The following STUM variants were observed in gnomAD, a reference collection of about 807,000 sequenced individuals.
STUM encodes the protein stum, mechanosensory transduction mediator homolog, also known as protein stum homolog.
A neutral mutation model predicts 15.3 loss-of-function variants in STUM; 8 were observed. The ratio of observed to expected loss-of-function variants is 0.52; its 90% CI spans 0.31 to 0.94. The LOEUF is 0.94. Among genes scored for constraint, STUM ranks in the 40% least tolerant of loss-of-function variants. The probability of loss-of-function intolerance (pLI) is 0.05; values close to 1 mark genes in which losing one functional copy is unlikely to be tolerated. For missense variants in STUM, 142 were observed against 204.9 expected (o/e 0.69, Z 1.87); for synonymous variants, 78 against 88.7 (o/e 0.88, Z 0.68).
chr1:226,576,791 C>T (rs1667822623), intron 1 of STUM, among the ~76,000 whole-genome samples: 1 of 152,210 alleles, frequency 6.6e-6, no homozygotes, highest in South Asian at 2.1e-4. Flanking sequence ...CCCACAAACA[C>T]AGCTTGTCTA....
chr1:226,578,192 A>C (rs1667851811), intron 1 of STUM, among the ~76,000 whole-genome samples: 1 of 151,960 alleles, frequency 6.6e-6, no homozygotes, highest in Non-Finnish European at 1.5e-5. Context: ...TTTACGCGTC[A>C]TCATGGTCAT....
At chr1:226,575,451 C>T (rs981733458) in intron 1 of STUM, among the ~76,000 whole-genome samples, 7 of 152,244 alleles carry the variant, frequency 4.6e-5, no homozygotes, top group African/African-American at 1.7e-4. Context: ...GGCAGGCACC[C>T]AGGGTGGGTG....
chr1:226,586,540 T>A (rs1169301891), intron 1 of STUM, among the ~76,000 whole-genome samples: 1 of 152,024 alleles, frequency 6.6e-6, no homozygotes, highest in Non-Finnish European at 1.5e-5. Flanking sequence ...TGGCAAGGGG[T>A]CAGCTCAGGG....
chr1:226,561,465 G>A (rs1277172444), intron 1 of STUM, among the ~76,000 whole-genome samples: 1 of 152,140 alleles, frequency 6.6e-6, no homozygotes. Flanking sequence ...CCTGCAGCGT[G>A]TGTGTCTCTG....
At chr1:226,562,336 G>A (rs908138071) in intron 1 of STUM, among the ~76,000 whole-genome samples, 7 of 152,022 alleles carry the variant, frequency 4.6e-5, no homozygotes, top group African/African-American at 1.2e-4. Flanking sequence ...AGGTGTGGTG[G>A]TGCATGCCTG....
At position 226,549,163 on chromosome 1, in the gene STUM, G is replaced by C. The variant is rs1667327493; in HGVS notation, c.202+57G>C. ...CCCACCCCGCCGCGGGAGGGCGTGG[G>C]GGGAGAGAAGGGCGCGGCCGGAGAC... On this transcript the variant is annotated intron_variant, in intron 1 of 3. Coordinates refer to ENST00000366788, the MANE Select transcript of STUM (RefSeq NM_001003665.4). The surrounding 1 kb of genome is among the most constrained non-coding windows in gnomAD (Gnocchi z 6.8). 1.4e-6 allele frequency: 2 copies of C among 1,448,134 alleles called. No homozygotes were observed. The highest frequency in any genetic ancestry group is 1.9e-6 in the Non-Finnish European group (2 of 1,070,292). 89.7% of individuals were successfully genotyped at this position (1,448,134 alleles called of 1,614,324 possible).
At chr1:226,583,207 A>G (rs1243423796) in intron 1 of STUM, among the ~76,000 whole-genome samples, 1 of 152,214 alleles carries the variant, frequency 6.6e-6, no homozygotes, top group African/African-American at 2.4e-5. Context: ...GGGGAAGCAG[A>G]TTCTACTTCT....
intron 1 of STUM, among the ~76,000 whole-genome samples, chr1:226,588,197 G>C (rs1668026529): frequency 6.6e-6 from 1 of 152,168 alleles, no homozygotes; most frequent in African/African-American, 2.4e-5. Context: ...TGCACACAGT[G>C]CTGGGTCTAC....
intron 1 of STUM, among the ~76,000 whole-genome samples, chr1:226,550,468 AAGG>A (rs61571680): frequency 0.015 from 2,335 of 152,078 alleles, 58 homozygotes; most frequent in African/African-American, 0.054. Context: ...TAGACACTGC[AAGG>A]AGGCCAGCTG....
chr1:226,562,916 T>C (rs1667565045), intron 1 of STUM, among the ~76,000 whole-genome samples: 1 of 152,204 alleles, frequency 6.6e-6, no homozygotes, highest in Admixed American at 6.5e-5. Flanking sequence ...GCTATGAATA[T>C]ATAAGAGAAT....
rs781276066 is a variant in STUM, at chr1:226,609,066, A to C, written c.*7026A>C. On this transcript the variant is annotated 3_prime_UTR_variant, in exon 4 of 4. Transcript: ENST00000366788. ...TTTCCATGTACATATTTATACATAC[A>C]CACACCTTCCTATTATAAATATATA... 5 of 152,218 alleles carry C rather than the reference A, an allele frequency of 3.3e-5. No individual in the cohort carries two copies. Among genetic ancestry groups the C allele is most frequent in the Non-Finnish European group, 5.9e-5 (4 of 68,034 alleles). 9.4% of individuals were successfully genotyped at this position (152,218 alleles called of 1,614,324 possible).
Position 226,604,200 on chromosome 1 carries a change from G to A in STUM, c.*2160G>A, listed in dbSNP as rs1329332459. On this transcript the variant is annotated 3_prime_UTR_variant, in exon 4 of 4. Transcript: ENST00000366788. The surrounding 1 kb of genome is among the most constrained non-coding windows in gnomAD (Gnocchi z 4.7). ...CCCGCTTGGGCTGGGGGCGGCTGCT[G>A]AGGGGGTGAAGAAGAGATAGCAATT... 1 of 152,200 alleles carries A rather than the reference G, an allele frequency of 6.6e-6. No individual in the cohort carries two copies. Among genetic ancestry groups the A allele is most frequent in the Non-Finnish European group, 1.5e-5 (1 of 68,054 alleles). 9.4% of individuals were successfully genotyped at this position (152,200 alleles called of 1,614,324 possible).
intron 1 of STUM, among the ~76,000 whole-genome samples, chr1:226,594,187 G>A (rs565387349): frequency 1.3e-5 from 2 of 152,180 alleles, no homozygotes; most frequent in African/African-American, 2.4e-5. Flanking sequence ...TGAGAGCAAA[G>A]GCCACACCTG....
chr1:226,574,656 G>A lies in STUM; in HGVS notation c.203-22146G>A, dbSNP rs996450657. Among the ~76,000 whole-genome samples the A allele has an allele frequency of 2.0e-5, 3 of 152,206 alleles. No individual in the cohort carries two copies. The South Asian group carries it at 6.2e-4, about 31-fold the overall frequency. On this transcript the variant is annotated intron_variant, in intron 1 of 3. Transcript: ENST00000366788. Reference sequence around the variant, plus strand: ...ACGAGGACCCCAAAGGAAGCTATGCGCACTGTTTCCAGAAGAGGAACTGAT... The same window carrying A: ...ACGAGGACCCCAAAGGAAGCTATGCACACTGTTTCCAGAAGAGGAACTGAT...
chr1:226,559,196 C>T (rs942736125), intron 1 of STUM, among the ~76,000 whole-genome samples: 3 of 152,204 alleles, frequency 2.0e-5, no homozygotes, highest in Admixed American at 1.3e-4. Context: ...CTCAGTCCAG[C>T]TCTGGTCTCT....
At chr1:226,579,449 C>T (rs916412910) in intron 1 of STUM, among the ~76,000 whole-genome samples, 16 of 152,170 alleles carry the variant, frequency 1.1e-4, no homozygotes, top group East Asian at 7.7e-4. Context: ...CCTGTCTCTT[C>T]GAGGAGATAG....
intron 1 of STUM, among the ~76,000 whole-genome samples, chr1:226,574,749 C>T (rs1435281934): frequency 6.6e-6 from 1 of 152,154 alleles, no homozygotes; most frequent in Admixed American, 6.5e-5. Context: ...TAAACAAGTG[C>T]ACCTCAGGGA....
intron 1 of STUM, among the ~76,000 whole-genome samples, chr1:226,577,538 CAT>C (rs1667838012): frequency 1.3e-5 from 2 of 152,044 alleles, no homozygotes; most frequent in Admixed American, 1.3e-4. Flanking sequence ...CTCAGGCACA[CAT>C]AGACTCGTGC....
chr1:226,552,785 A>G lies in STUM; in HGVS notation c.202+3679A>G, dbSNP rs2102684258. Among the ~76,000 whole-genome samples the G allele has an allele frequency of 6.6e-6, 1 of 152,318 alleles. No individual in the cohort carries two copies. The highest frequency in any genetic ancestry group is 1.9e-4 in the East Asian group (1 of 5,182). On this transcript the variant is annotated intron_variant, in intron 1 of 3. Coordinates refer to ENST00000366788, the MANE Select transcript of STUM (RefSeq NM_001003665.4). This position sits in a 1 kb window ranked among gnomAD's most constrained non-coding sequence, Gnocchi z 4.7. ...AGACCCAAGGCTCAAACTGATGATTAATCATGTCCTACCTCCTGGCATCTT... is the reference window on the plus strand; with the variant it reads ...AGACCCAAGGCTCAAACTGATGATTGATCATGTCCTACCTCCTGGCATCTT...
Sources: gnomAD v4.1 joint callset for allele counts (sites outside exome capture counted in the v4.1 genomes callset) on GRCh38, gnomAD v4.1.1 for gene constraint, Gnocchi (gnomAD v3.1) non-coding constraint, MANE v1.5 for transcripts, NCBI Gene and HGNC (gene_info 2026-07-23, HGNC 2026-07-21) for gene names.